SCYL2: variants seen among roughly 807,000 people sequenced by gnomAD.
SCYL2 encodes SCY1-like protein 2.
In SCYL2, 36 loss-of-function variants were observed where a neutral mutation model predicts 100.4. The observed-to-expected ratio is 0.36, with a 90% CI of 0.27 to 0.47. The LOEUF (loss-of-function observed/expected upper bound fraction) is 0.47. Ranked by LOEUF, SCYL2 falls within the 20% of genes least tolerant of loss-of-function variation. The pLI, the probability that SCYL2 is intolerant of heterozygous loss-of-function variation, is 1.00. For synonymous variants in SCYL2, 330 were observed against 359.2 expected (o/e 0.92, Z 0.92); for missense variants, 902 against 1,083.9 (o/e 0.83, Z 2.36).
rs2096300667 is a variant in SCYL2, at chr12:100,283,128, C to G, written c.158C>G (p.Thr53Arg). Residue 53 changes from threonine (T) to arginine (R), a missense_variant, in exon 2 of 18, where the codon ACA (threonine) becomes AGA (arginine). Thr to Arg is a moderately conservative substitution (Grantham distance 71). Coordinates refer to ENST00000360820, the MANE Select transcript of SCYL2 (RefSeq NM_017988.6). ...CTAGCTTGGAAGATTTTTAATGGCACAAAAAAGTCAACAAAGCAGGTGAGT... is the reference window on the plus strand; with the variant it reads ...CTAGCTTGGAAGATTTTTAATGGCAGAAAAAAGTCAACAAAGCAGGTGAGT... Reference protein sequence around the residue: ...NGLAWKIFNGTKKSTKQEVAV... With the variant: ...NGLAWKIFNGRKKSTKQEVAV... 1 of 1,602,274 alleles carries G rather than the reference C, an allele frequency of 6.2e-7. No individual in the cohort carries two copies.
chr12:100,313,115 G>C (rs904604016), intron 6 of SCYL2, among the ~76,000 whole-genome samples: 1 of 152,192 alleles, frequency 6.6e-6, no homozygotes, highest in African/African-American at 2.4e-5. Flanking sequence ...GGGTGACAGA[G>C]TGAGACCCTG....
At position 100,321,024 on chromosome 12, in the gene SCYL2, G is replaced by A. The variant is rs115525968; in HGVS notation, c.1396-2501G>A. ...GCTCACTGTGGCCTTGACCTCCCAC[G>A]CTCTCTCAGGCTCAAGTGATCCTCC... On this transcript the variant is annotated intron_variant, in intron 10 of 17. Transcript: ENST00000360820. Among the ~76,000 whole-genome samples, 478 of 152,212 alleles carry A rather than the reference G, an allele frequency of 3.1e-3. 2 individuals are homozygous for A. The highest frequency in any genetic ancestry group is 0.01 in the African/African-American group (436 of 41,532).
intron 3 of SCYL2, among the ~76,000 whole-genome samples, chr12:100,297,286 G>A (rs1202870097): frequency 1.3e-5 from 2 of 152,166 alleles, no homozygotes; most frequent in Admixed American, 6.5e-5. Context: ...GGTGAAGTGA[G>A]GTTCAGAACA....
intron 13 of SCYL2, among the ~76,000 whole-genome samples, chr12:100,329,667 G>A (rs1050978327): frequency 6.6e-6 from 1 of 152,150 alleles, no homozygotes; most frequent in African/African-American, 2.4e-5. Context: ...AGGGTTTAAA[G>A]CAACACACAT....
rs183631994 is a variant in SCYL2, at chr12:100,315,839, G to A, written c.1272+105G>A. ...TATGACTTAAAAAAAACTGAGGTAA[G>A]TGTATGAGACTTTCTTTTCCATTAG... On this transcript the variant is annotated intron_variant, in intron 9 of 17. Coordinates refer to ENST00000360820, the MANE Select transcript of SCYL2 (RefSeq NM_017988.6). 408 of 907,014 alleles carry A rather than the reference G, an allele frequency of 4.5e-4. 8 individuals are homozygous for A. In the African/African-American group the frequency reaches 6.5e-3, roughly 14 times the overall value. The allele number at this position is 907,014 out of a possible 1,614,324, so 56.2% of individuals were successfully genotyped here. A position where few individuals can be genotyped will look rare whatever the true frequency, so the allele number is the denominator to read the frequency against.
intron 1 of SCYL2, among the ~76,000 whole-genome samples, chr12:100,269,425 C>G (rs2096284811): frequency 6.6e-6 from 1 of 152,038 alleles, no homozygotes; most frequent in Admixed American, 6.5e-5. Flanking sequence ...CTTACCACAC[C>G]ATTGAAGAGT....
chr12:100,298,024 A>T lies in SCYL2; in HGVS notation c.336-7A>T, dbSNP rs550225280. 8.7e-6 allele frequency: 14 copies of T among 1,600,546 alleles called. No homozygotes were observed. The Admixed American group carries it at 2.5e-4, about 28-fold the overall frequency. On this transcript the variant is annotated splice_polypyrimidine_tract_variant and splice_region_variant and intron_variant, in intron 3 of 17. Coordinates refer to ENST00000360820, the MANE Select transcript of SCYL2 (RefSeq NM_017988.6). ...GATAGTAAATAACTTTTTCTTTTTTAAAACAGGGATTGCTTGGCATTTTGT... is the reference window on the plus strand; with the variant it reads ...GATAGTAAATAACTTTTTCTTTTTTTAAACAGGGATTGCTTGGCATTTTGT...
chr12:100,298,303 T>C (rs1017096322), intron 4 of SCYL2, 128 bp downstream of exon 4: 49 of 636,836 alleles, frequency 7.7e-5, no homozygotes, highest in Non-Finnish European at 1.2e-4. Context: ...ATTTAGTCAT[T>C]ATTCCTATGT....
intron 8 of SCYL2, among the ~76,000 whole-genome samples, chr12:100,315,130 A>G (rs1379253616): frequency 6.6e-6 from 1 of 152,204 alleles, no homozygotes; most frequent in Non-Finnish European, 1.5e-5. Context: ...CTTAGATGCT[A>G]TGGAGAGTAA....
At position 100,267,228 on chromosome 12, in the gene SCYL2, C is replaced by T; in HGVS notation, c.-593C>T. On this transcript the variant is annotated 5_prime_UTR_variant, in exon 1 of 18. Transcript: ENST00000360820. ...CGTCCCCGGTCCCTCCCCTCCCCACCCCTTTCCTTCTAGCTCCGACGTTTG... is the reference window on the plus strand; with the variant it reads ...CGTCCCCGGTCCCTCCCCTCCCCACTCCTTTCCTTCTAGCTCCGACGTTTG... The T allele has an allele frequency of 2.5e-6, 2 of 791,274 alleles. No homozygotes were observed. The highest frequency in any genetic ancestry group is 1.9e-5 in the South Asian group (1 of 52,492). 49.0% of individuals were successfully genotyped at this position (791,274 alleles called of 1,614,324 possible).
At chr12:100,317,609 C>A in intron 9 of SCYL2, 194 bp from the exon 10 acceptor site, 2 of 1,261,650 alleles carry the variant, frequency 1.6e-6, no homozygotes, top group Non-Finnish European at 2.1e-6. Flanking sequence ...AAACTCAGAG[C>A]AGATGTTAAA....
chr12:100,281,630 G>A lies in SCYL2; in HGVS notation c.-28-1313G>A, dbSNP rs530991549. Among the ~76,000 whole-genome samples the A allele has an allele frequency of 1.8e-4, 28 of 152,214 alleles. No homozygotes were observed. The East Asian group carries it at 5.4e-3, about 30-fold the overall frequency. ...GGGCAGATCACAAGGTCAGGAGATC[G>A]AGACCATCCTGGCTAACACGGTGAA... is the stretch of plus-strand genomic sequence containing the variant. On this transcript the variant is annotated intron_variant, in intron 1 of 17. Coordinates refer to ENST00000360820, the MANE Select transcript of SCYL2 (RefSeq NM_017988.6).
chr12:100,284,649 G>A (rs1188818056), intron 2 of SCYL2, among the ~76,000 whole-genome samples: 1 of 152,138 alleles, frequency 6.6e-6, no homozygotes, highest in Non-Finnish European at 1.5e-5. Flanking sequence ...TTTTAGTAGA[G>A]ACGGGGTTTC....
intron 4 of SCYL2, among the ~76,000 whole-genome samples, chr12:100,299,966 C>T (rs2096325642): frequency 6.6e-6 from 1 of 152,210 alleles, no homozygotes; most frequent in Non-Finnish European, 1.5e-5. Flanking sequence ...TGCCATTTTA[C>T]ATTTCTATCA....
intron 10 of SCYL2, among the ~76,000 whole-genome samples, chr12:100,320,322 A>G (rs911448403): frequency 1.3e-5 from 2 of 152,138 alleles, no homozygotes; most frequent in Non-Finnish European, 2.9e-5. Context: ...AGGCAGGCGG[A>G]TCACCTGAGG....
chr12:100,283,601 G>A (rs186178850), intron 2 of SCYL2, among the ~76,000 whole-genome samples: 2 of 152,166 alleles, frequency 1.3e-5, no homozygotes, highest in African/African-American at 2.4e-5. Flanking sequence ...CACCGTGCCC[G>A]GCCAAAATCA....
chr12:100,291,924 A>G (rs1017157215), intron 3 of SCYL2: 3 of 351,604 alleles, frequency 8.5e-6, no homozygotes, highest in Non-Finnish European at 1.5e-5. Context: ...TAGTCAAAAT[A>G]GAACATACAA....
chr12:100,269,658 G>T (rs2096285154), intron 1 of SCYL2, among the ~76,000 whole-genome samples: 1 of 152,092 alleles, frequency 6.6e-6, no homozygotes. Flanking sequence ...TGTTAGGGTG[G>T]GTAGTTAGTT....
chr12:100,271,965 A>G (rs909577055), intron 1 of SCYL2, among the ~76,000 whole-genome samples: 2 of 152,208 alleles, frequency 1.3e-5, no homozygotes, highest in African/African-American at 2.4e-5. Context: ...AGTTCCTTTC[A>G]GCTACCTGCT....
Sources: gnomAD v4.1 joint callset for allele counts (sites outside exome capture counted in the v4.1 genomes callset) on GRCh38, gnomAD v4.1.1 for gene constraint, MANE v1.5 for transcripts, NCBI Gene and HGNC (gene_info 2026-07-23, HGNC 2026-07-21) for gene names.